The following OXR1 variants were observed in gnomAD, a reference collection of about 807,000 sequenced individuals.
OXR1 encodes the protein oxidation resistance 1.
In OXR1, 41 loss-of-function variants were observed where a neutral mutation model predicts 104.6. The observed-to-expected ratio is 0.39, with a 90% CI of 0.31 to 0.51. OXR1 has a LOEUF of 0.51. Among genes scored for constraint, OXR1 ranks in the 20% least tolerant of loss-of-function variants. The pLI is 0.77. For synonymous variants in OXR1, 348 were observed against 348.4 expected (o/e 1.00, Z 0.01); for missense variants, 955 against 1,031.9 (o/e 0.93, Z 1.02).
chr8:106,553,550 G>A (rs868622913), intron 3 of OXR1, among the ~76,000 whole-genome samples: 1 of 152,110 alleles, frequency 6.6e-6, no homozygotes, highest in Non-Finnish European at 1.5e-5. Context: ...GAGCTCCTGA[G>A]CTCAAGCGAT....
intron 3 of OXR1, among the ~76,000 whole-genome samples, chr8:106,539,087 T>C (rs914970154): frequency 6.6e-6 from 1 of 152,194 alleles, no homozygotes; most frequent in Non-Finnish European, 1.5e-5. Context: ...TGTCATACTA[T>C]CTTGTGGCCA....
chr8:106,496,504 A>T (rs976489185), intron 2 of OXR1, among the ~76,000 whole-genome samples: 9 of 152,210 alleles, frequency 5.9e-5, no homozygotes, highest in African/African-American at 2.2e-4. Context: ...CAATCCAGGA[A>T]CCTGGTTGAC....
At chr8:106,639,408 T>TA (rs1253824993) in intron 3 of OXR1, among the ~76,000 whole-genome samples, 2 of 152,138 alleles carry the variant, frequency 1.3e-5, no homozygotes, top group African/African-American at 2.4e-5. Context: ...AGAAACCATG[T>TA]AAAAAACTGC....
At chr8:106,443,738 A>C (rs1819890827) in intron 2 of OXR1, among the ~76,000 whole-genome samples, 1 of 151,876 alleles carries the variant, frequency 6.6e-6, no homozygotes, top group Non-Finnish European at 1.5e-5. Context: ...ACCCCTGCTT[A>C]TTTCTTTGCT....
chr8:106,516,871 G>A (rs1563575152), intron 2 of OXR1, among the ~76,000 whole-genome samples: 1 of 151,958 alleles, frequency 6.6e-6, no homozygotes, highest in African/African-American at 2.4e-5. Flanking sequence ...CTCTTACTGT[G>A]CCTAATTTAT....
At chr8:106,593,757 C>T (rs1819299015) in intron 3 of OXR1, among the ~76,000 whole-genome samples, 1 of 152,180 alleles carries the variant, frequency 6.6e-6, no homozygotes. Context: ...GCCTGGGCGA[C>T]AGAGCGAGAC....
chr8:106,391,608 GT>G, intron 2 of OXR1, among the ~76,000 whole-genome samples: 1 of 151,908 alleles, frequency 6.6e-6, no homozygotes, highest in African/African-American at 2.4e-5. Context: ...CACAACAAAT[GT>G]TTTTTTCAAA....
At chr8:106,475,655 C>T (rs1244840710) in intron 2 of OXR1, among the ~76,000 whole-genome samples, 6 of 151,956 alleles carry the variant, frequency 3.9e-5, no homozygotes, top group Non-Finnish European at 8.8e-5. Context: ...CTTATGAGTC[C>T]ATTTTGAAAA....
chr8:106,491,649 G>C (rs1195592122), intron 2 of OXR1, among the ~76,000 whole-genome samples: 4 of 152,292 alleles, frequency 2.6e-5, no homozygotes, highest in Admixed American at 2.6e-4. Flanking sequence ...CACACACTTT[G>C]ATACACTTCT....
intron 3 of OXR1, among the ~76,000 whole-genome samples, chr8:106,678,834 T>A (rs1827857166): frequency 6.6e-6 from 1 of 152,044 alleles, no homozygotes; most frequent in Non-Finnish European, 1.5e-5. Context: ...ATTTGGAAAA[T>A]AATGATATAT....
chr8:106,425,232 CT>C (rs1341259691), intron 2 of OXR1, among the ~76,000 whole-genome samples: 1 of 150,790 alleles, frequency 6.6e-6, no homozygotes, highest in Admixed American at 6.6e-5. Flanking sequence ...TTTTTCTTTT[CT>C]TTTCTTTTTT....
At chr8:106,707,825 A>C (rs1030034583) in intron 9 of OXR1, 1 of 152,302 alleles carries the variant, frequency 6.6e-6, no homozygotes, top group Non-Finnish European at 1.5e-5. Flanking sequence ...CTGATATTCT[A>C]TTAGAATGTT....
chr8:106,405,056 T>TTTCTTCACTTTC (rs1818161243), intron 2 of OXR1, among the ~76,000 whole-genome samples: 2 of 151,590 alleles, frequency 1.3e-5, no homozygotes, highest in South Asian at 4.2e-4. Flanking sequence ...ATCAAACATG[T>TTTCTTCACTTTC]AGTATCAGTG....
At chr8:106,531,115 T>C (rs1322555508) in intron 3 of OXR1, among the ~76,000 whole-genome samples, 2 of 152,214 alleles carry the variant, frequency 1.3e-5, no homozygotes, top group Non-Finnish European at 2.9e-5. Flanking sequence ...GTGTCCTTAA[T>C]TATGACCAAC....
At chr8:106,460,275 G>A (rs1263550164) in intron 2 of OXR1, among the ~76,000 whole-genome samples, 1 of 152,122 alleles carries the variant, frequency 6.6e-6, no homozygotes, top group East Asian at 1.9e-4. Flanking sequence ...TACACCATCG[G>A]AGTCTGCCCT....
intron 2 of OXR1, among the ~76,000 whole-genome samples, chr8:106,498,305 G>A (rs992251748): frequency 4.6e-5 from 7 of 152,096 alleles, no homozygotes; most frequent in Non-Finnish European, 1.0e-4. Flanking sequence ...TCTATACATG[G>A]AGTATTCCTT....
At chr8:106,426,989 T>C (rs571203414) in intron 2 of OXR1, among the ~76,000 whole-genome samples, 1 of 152,228 alleles carries the variant, frequency 6.6e-6, no homozygotes, top group Non-Finnish European at 1.5e-5. Context: ...ACTCATCAGA[T>C]ATTTCCTCCC....
chr8:106,643,121 C>T (rs551220629), intron 3 of OXR1, among the ~76,000 whole-genome samples: 6 of 152,124 alleles, frequency 3.9e-5, no homozygotes, highest in Admixed American at 6.5e-5. Flanking sequence ...TTAGGGATAC[C>T]GAATGTCACT....
intron 3 of OXR1, among the ~76,000 whole-genome samples, chr8:106,678,919 T>A (rs1484070179): frequency 1.3e-5 from 2 of 152,078 alleles, no homozygotes; most frequent in Non-Finnish European, 2.9e-5. Flanking sequence ...TTAAATCTGT[T>A]GAAATAAATT....
Sources: allele counts gnomAD v4.1 joint callset (sites outside exome capture counted in the v4.1 genomes callset), GRCh38; gene constraint gnomAD v4.1.1; transcripts MANE v1.5; gene names NCBI Gene and HGNC (gene_info 2026-07-23, HGNC 2026-07-21).